The following ANO1 variants were observed in gnomAD, a reference collection of about 807,000 sequenced individuals.
ANO1 encodes the protein anoctamin-1.
ANO1 carries 59 observed loss-of-function variants against 124.0 expected under a neutral mutation model. The ratio of observed to expected loss-of-function variants is 0.48; its 90% CI spans 0.39 to 0.59. ANO1 has a LOEUF of 0.59. Ranked by LOEUF, ANO1 falls within the 20% of genes least tolerant of loss-of-function variation. The probability of loss-of-function intolerance (pLI) is 0.00; values close to 1 mark genes in which losing one functional copy is unlikely to be tolerated. For synonymous variants in ANO1, 529 were observed against 532.0 expected (o/e 0.99, Z 0.08); for missense variants, 1,059 against 1,328.0 (o/e 0.80, Z 3.15).
In ANO1 at chr11:70,078,430, C is replaced by CGGGCCA; in HGVS notation, c.-172_-167dup. On this transcript the variant is annotated 5_prime_UTR_variant, in exon 1 of 26. Coordinates refer to ENST00000355303, the MANE Select transcript of ANO1 (RefSeq NM_018043.7). ...CCCCGCATCGAGCGCGCGGGCCGGG[C>CGGGCCA]GGGCCAGGGCGGCGGGCGGAGCGGG... The CGGGCCA allele has an allele frequency of 6.4e-6, 1 of 156,144 alleles. No homozygotes were observed. Among genetic ancestry groups the CGGGCCA allele is most frequent in the South Asian group, 2.0e-4 (1 of 5,024 alleles). 9.7% of individuals were successfully genotyped at this position (156,144 alleles called of 1,614,324 possible).
At chr11:70,031,213 G>A (rs1416004604) in intron 1 of ANO1, among the ~76,000 whole-genome samples, 9 of 152,166 alleles carry the variant, frequency 5.9e-5, no homozygotes, top group African/African-American at 1.7e-4. Context: ...CCCAAGTGCT[G>A]GAATGACAGG....
chr11:70,145,943 C>CAAAA, intron 11 of ANO1, among the ~76,000 whole-genome samples: 306 of 108,476 alleles, frequency 2.8e-3, no homozygotes, highest in South Asian at 4.6e-3. Flanking sequence ...TCTCAAAAAA[C>CAAAA]AAAAAAAAAA....
At chr11:70,022,968 T>A (rs1306392210) in intron 1 of ANO1, among the ~76,000 whole-genome samples, 2 of 152,130 alleles carry the variant, frequency 1.3e-5, no homozygotes, top group East Asian at 3.9e-4. Context: ...AGGGATGCAC[T>A]GCCAGCTTGA....
At chr11:70,111,016 T>TGGAC (rs759539947) in intron 6 of ANO1, 1 of 412,700 alleles carries the variant, frequency 2.4e-6, no homozygotes, top group Non-Finnish European at 4.9e-6. Context: ...CCAGGAGCAC[T>TGGAC]GGACGGCTGT....
chr11:70,021,352 G>A (rs561574835), intron 1 of ANO1, among the ~76,000 whole-genome samples: 1 of 152,298 alleles, frequency 6.6e-6, no homozygotes, highest in Middle Eastern at 3.4e-3. Context: ...ATGCGAGGGA[G>A]CGTGGTGGTT....
At chr11:70,032,550 G>T (rs188075004) in intron 1 of ANO1, among the ~76,000 whole-genome samples, 1 of 151,116 alleles carries the variant, frequency 6.6e-6, no homozygotes, top group Admixed American at 6.6e-5. Flanking sequence ...GGGGGTCTCT[G>T]AAGGGTAGAA....
At chr11:70,094,730 A>C (rs1210877827) in intron 2 of ANO1, among the ~76,000 whole-genome samples, 1 of 152,088 alleles carries the variant, frequency 6.6e-6, no homozygotes, top group Admixed American at 6.5e-5. Flanking sequence ...GATGTTAGGA[A>C]CCTCTAGTCT....
In ANO1 at chr11:70,152,997, G is replaced by A. The variant is rs562730885; in HGVS notation, c.1354-60G>A. 236 of 1,479,452 alleles carry A rather than the reference G, an allele frequency of 1.6e-4. 3 individuals are homozygous for A. The South Asian group carries it at 2.3e-3, about 15-fold the overall frequency. 91.6% of individuals were successfully genotyped at this position (1,479,452 alleles called of 1,614,324 possible). A position where few individuals can be genotyped will look rare whatever the true frequency, so the allele number is the denominator to read the frequency against. On this transcript the variant is annotated intron_variant, in intron 13 of 25. Transcript: ENST00000355303. ...GGACTGATTTGCCAAGTATGCTCAC[G>A]CTGAGGAGCTCAGACTCAAAATTAA...
intron 8 of ANO1, among the ~76,000 whole-genome samples, chr11:70,122,504 G>A (rs1287913221): frequency 2.4e-4 from 24 of 101,822 alleles, no homozygotes; most frequent in South Asian, 1.3e-3. Flanking sequence ...CTCTCTCTCC[G>A]TCTCCCTCAC....
chr11:70,056,241 A>C lies in ANO1; in HGVS notation c.59-22301A>C, dbSNP rs192022785. 3.1e-3 allele frequency: 467 copies of C among 152,194 alleles called. 7 individuals carry two copies. Among genetic ancestry groups the C allele is most frequent in the African/African-American group, 0.011 (440 of 41,482 alleles). The allele number at this position is 152,194 out of a possible 1,614,324, so 9.4% of individuals were successfully genotyped here. A position where few individuals can be genotyped will look rare whatever the true frequency, so the allele number is the denominator to read the frequency against. ...TCTCTTAGTTTCTGTTCATCCAAAA[A>C]CATATTTATTTTGTTTTCATTTTTG... is the stretch of plus-strand genomic sequence containing the variant. On this transcript the variant is annotated intron_variant, in intron 1 of 27. Coordinates refer to the ANO1 transcript ENST00000531349.
At chr11:70,053,865 A>G (rs1206229781) in intron 1 of ANO1, among the ~76,000 whole-genome samples, 1 of 152,206 alleles carries the variant, frequency 6.6e-6, no homozygotes, top group Non-Finnish European at 1.5e-5. Context: ...ATTTGTAGAT[A>G]TAGGACATTG....
At chr11:70,132,351 A>G (rs1037972982) in intron 11 of ANO1, among the ~76,000 whole-genome samples, 1 of 152,114 alleles carries the variant, frequency 6.6e-6, no homozygotes, top group Admixed American at 6.5e-5. Context: ...TCCTGACACC[A>G]GGGTATGCTG....
chr11:70,015,375 C>G (rs1856686026), intron 1 of ANO1, among the ~76,000 whole-genome samples: 2 of 152,030 alleles, frequency 1.3e-5, no homozygotes, highest in Admixed American at 6.5e-5. Flanking sequence ...TGCTCCCTGC[C>G]CTCAGGGGGA....
intron 1 of ANO1, among the ~76,000 whole-genome samples, chr11:70,031,065 T>G (rs1856992309): frequency 6.6e-6 from 1 of 152,138 alleles, no homozygotes; most frequent in Non-Finnish European, 1.5e-5. Context: ...GTGCCTCAGC[T>G]TCCTTAGTAG....
At chr11:70,004,608 C>T (rs1856449363) in intron 1 of ANO1, among the ~76,000 whole-genome samples, 1 of 152,234 alleles carries the variant, frequency 6.6e-6, no homozygotes, top group African/African-American at 2.4e-5. Context: ...TCTCCTGGCT[C>T]TCAGAGCTTG....
chr11:70,000,532 A>T (rs1395246384), intron 1 of ANO1, among the ~76,000 whole-genome samples: 1 of 152,214 alleles, frequency 6.6e-6, no homozygotes, highest in Non-Finnish European at 1.5e-5. Flanking sequence ...TTTGGCAAGA[A>T]CATGGAGCAA....
At chr11:70,074,168 G>T (rs1234492398), upstream of ANO1, among the ~76,000 whole-genome samples, 2 of 152,176 alleles carry the variant, frequency 1.3e-5, no homozygotes, top group African/African-American at 4.8e-5. Flanking sequence ...AGTGGGACGG[G>T]TGGCCATTGG....
At chr11:70,105,690 G>A (rs1278754317) in intron 4 of ANO1, 44 bp from the exon 5 acceptor site, 1 of 1,588,740 alleles carries the variant, frequency 6.3e-7, no homozygotes, top group Non-Finnish European at 8.6e-7. Flanking sequence ...AGAACTGCCA[G>A]CTCTGGTGAA....
At chr11:70,157,564 G>A (rs1235239348) in intron 16 of ANO1, among the ~76,000 whole-genome samples, 2 of 152,116 alleles carry the variant, frequency 1.3e-5, no homozygotes, top group Non-Finnish European at 2.9e-5. Context: ...ACACGCCAGG[G>A]AGTACATGAG....
Sources: allele counts gnomAD v4.1 joint callset (sites outside exome capture counted in the v4.1 genomes callset), GRCh38; gene constraint gnomAD v4.1.1; transcripts MANE v1.5; gene names NCBI Gene and HGNC (gene_info 2026-07-23, HGNC 2026-07-21).